The following ACBD5 variants were observed in gnomAD, a reference collection of about 807,000 sequenced individuals.
ACBD5 encodes the protein acyl-CoA binding domain containing 5.
ACBD5 carries 40 observed loss-of-function variants against 71.8 expected under a neutral mutation model. The ratio of observed to expected loss-of-function variants is 0.56; its 90% CI spans 0.43 to 0.72. The LOEUF is 0.72. Ranked by LOEUF, ACBD5 falls within the 30% of genes least tolerant of loss-of-function variation. The pLI, the probability that ACBD5 is intolerant of heterozygous loss-of-function variation, is 0.00. For synonymous variants in ACBD5, 229 were observed against 218.6 expected, an observed-to-expected ratio of 1.05 and a Z score of -0.42; for missense variants, 559 against 644.5, an observed-to-expected ratio of 0.87 and a Z score of 1.44.
At chr10:27,226,892 G>T (rs939032986) in intron 4 of ACBD5, among the ~76,000 whole-genome samples, 7 of 151,572 alleles carry the variant, frequency 4.6e-5, no homozygotes, top group Non-Finnish European at 1.0e-4. Context: ...GACCTCAAGA[G>T]ATCCACCCAC....
At chr10:27,208,184 G>C in intron 10 of ACBD5, 62 bp downstream of exon 10, 1 of 1,491,216 alleles carries the variant, frequency 6.7e-7, no homozygotes, top group Non-Finnish European at 9.4e-7. Context: ...GATCAACGCA[G>C]ACTCCACATT....
In ACBD5 at chr10:27,196,235, A is replaced by G. The variant is rs1231342929; in HGVS notation, c.*1195T>C. The G allele has an allele frequency of 2.2e-6, 1 of 453,986 alleles. No individual in the cohort carries two copies. The highest frequency in any genetic ancestry group is 6.9e-5 in the East Asian group (1 of 14,410). 28.1% of individuals were successfully genotyped at this position (453,986 alleles called of 1,614,324 possible). A position where few individuals can be genotyped will look rare whatever the true frequency, so the allele number is the denominator to read the frequency against. On this transcript the variant is annotated 3_prime_UTR_variant, in exon 13 of 13. Transcript: ENST00000396271. ...ATTATTTGTTACAAAGACTGCATCA[A>G]AGAAATCTTCAAAGCACAAGGTACA... is the stretch of plus-strand genomic sequence containing the variant.
intron 6 of ACBD5, 56 bp downstream of exon 6, chr10:27,219,667 T>C: frequency 6.2e-7 from 1 of 1,604,366 alleles, no homozygotes; most frequent in Non-Finnish European, 8.5e-7. Flanking sequence ...CCAAATGTCT[T>C]CATACCCTCT....
rs1350066454 is a variant in ACBD5 at position 27,196,935 on chromosome 10, T to C, written c.*495A>G. The C allele has an allele frequency of 2.2e-6, 1 of 454,114 alleles. No homozygotes were observed. Among genetic ancestry groups the C allele is most frequent in the African/African-American group, 2.0e-5 (1 of 50,018 alleles). The allele number at this position is 454,114 out of a possible 1,614,324, so 28.1% of individuals were successfully genotyped here. Reference sequence around the variant, plus strand: ...GACCATTCTTCCTGTGGTTTTCTACTACATGCCATGGCAACTCCGTGACTA... The same window carrying C: ...GACCATTCTTCCTGTGGTTTTCTACCACATGCCATGGCAACTCCGTGACTA... On this transcript the variant is annotated 3_prime_UTR_variant, in exon 13 of 13. Transcript: ENST00000396271.
chr10:27,217,869 G>T, intron 7 of ACBD5, 111 bp downstream of exon 7: 1 of 998,548 alleles, frequency 1.0e-6, no homozygotes. Flanking sequence ...TAAGCCCTAA[G>T]ATATTATTAA....
rs758991531 is a variant in ACBD5 at position 27,197,015 on chromosome 10, CTTTT to C, written c.*411_*414del. On this transcript the variant is annotated 3_prime_UTR_variant, in exon 13 of 13. Coordinates refer to ENST00000396271, the MANE Select transcript of ACBD5 (RefSeq NM_145698.5). ...AATTCACTCCTGGTTTGCATTCTTT[CTTTT>C]ATTTAATTTAGAAAATTAAAAATAA... is the stretch of plus-strand genomic sequence containing the variant. 1 of 445,376 alleles carries C rather than the reference CTTTT, an allele frequency of 2.2e-6. No homozygotes were observed. The highest frequency in any genetic ancestry group is 2.0e-5 in the African/African-American group (1 of 49,792). 27.6% of individuals were successfully genotyped at this position (445,376 alleles called of 1,614,324 possible).
chr10:27,214,171 GCA>G (rs2061391797), intron 8 of ACBD5, among the ~76,000 whole-genome samples: 1 of 152,056 alleles, frequency 6.6e-6, no homozygotes, highest in African/African-American at 2.4e-5. Context: ...GTACCTGATA[GCA>G]CAGCAGAGTG....
At chr10:27,227,130 CT>C (rs67327144) in intron 4 of ACBD5, among the ~76,000 whole-genome samples, 110,829 of 149,852 alleles carry the variant, frequency 0.74, 41,102 homozygotes, top group African/African-American at 0.76. Context: ...TTGGCCACCC[CT>C]GGTCTAAAGT....
At chr10:27,185,202 C>A (rs534076540) in intron 13 of ACBD5, among the ~76,000 whole-genome samples, 5 of 152,048 alleles carry the variant, frequency 3.3e-5, no homozygotes, top group African/African-American at 1.2e-4. Context: ...TGCTAAGGAG[C>A]GTGGTGATAG....
At chr10:27,233,152 C>T (rs1298402331) in intron 3 of ACBD5, among the ~76,000 whole-genome samples, 1 of 152,152 alleles carries the variant, frequency 6.6e-6, no homozygotes, top group Non-Finnish European at 1.5e-5. Context: ...ATGGGCAGGG[C>T]ACAGTGGCTT....
At chr10:27,209,621 C>A (rs1466564787) in intron 9 of ACBD5, among the ~76,000 whole-genome samples, 1 of 152,180 alleles carries the variant, frequency 6.6e-6, no homozygotes, top group Non-Finnish European at 1.5e-5. Context: ...CCACGCCCAG[C>A]CATCCAAAAG....
At chr10:27,197,835 C>T (rs1011375889) in intron 12 of ACBD5, among the ~76,000 whole-genome samples, 46 of 152,152 alleles carry the variant, frequency 3.0e-4, no homozygotes, top group African/African-American at 9.6e-4. Context: ...TTAATAGAGA[C>T]GAGGTTTCGC....
intron 10 of ACBD5, among the ~76,000 whole-genome samples, chr10:27,207,849 C>A (rs112700118): frequency 0.076 from 11,601 of 152,056 alleles, 642 homozygotes; most frequent in South Asian, 0.18. Flanking sequence ...ACTCTCCTGC[C>A]TCAGCCTCCT....
At chr10:27,225,310 C>A (rs907180961) in intron 4 of ACBD5, among the ~76,000 whole-genome samples, 18 of 152,128 alleles carry the variant, frequency 1.2e-4, no homozygotes, top group African/African-American at 4.3e-4. Flanking sequence ...GTTCAAACAA[C>A]ATGCTTTTAT....
At chr10:27,217,934 T>C (rs747737263) in intron 7 of ACBD5, 46 bp downstream of exon 7, 1 of 1,523,724 alleles carries the variant, frequency 6.6e-7, no homozygotes, top group African/African-American at 1.4e-5. Flanking sequence ...ACTAAAAGAC[T>C]ATTCATAGGA....
chr10:27,186,963 T>G (rs1315404969), intron 13 of ACBD5: 1 of 243,744 alleles, frequency 4.1e-6, no homozygotes. Flanking sequence ...TCAAAAGCTG[T>G]GTTCTTGAGG....
Position 27,203,746 on chromosome 10 carries a change from AT to A in ACBD5, c.1565+693del, listed in dbSNP as rs560742799. Among the ~76,000 whole-genome samples the A allele has an allele frequency of 7.2e-3, 1,094 of 152,182 alleles. 14 individuals are homozygous for A. The highest frequency in any genetic ancestry group is 0.025 in the African/African-American group (1,043 of 41,516). ...AAAAGCAAAACTCTGTCTCAAAAAAATAAATTAATAAAATAAAATAAATTAA... is the reference window on the plus strand; with the variant it reads ...AAAAGCAAAACTCTGTCTCAAAAAAAAAATTAATAAAATAAAATAAATTAA... On this transcript the variant is annotated intron_variant, in intron 12 of 12. Transcript: ENST00000396271.
intron 2 of ACBD5, among the ~76,000 whole-genome samples, chr10:27,236,073 C>G (rs12246444): frequency 0.079 from 11,852 of 149,172 alleles, 1,530 homozygotes; most frequent in African/African-American, 0.27. Flanking sequence ...GTGATCACAC[C>G]ACTGCACTAC....
chr10:27,195,142 G>A (rs1312900809), downstream of ACBD5: 2 of 299,346 alleles, frequency 6.7e-6, no homozygotes, highest in Middle Eastern at 1.2e-3. Flanking sequence ...TACTTTATGT[G>A]CGACTACTAC....
Sources: allele counts gnomAD v4.1 joint callset (sites outside exome capture counted in the v4.1 genomes callset), GRCh38; gene constraint gnomAD v4.1.1; transcripts MANE v1.5; gene names NCBI Gene and HGNC (gene_info 2026-07-23, HGNC 2026-07-21).